The following NCOR1 variants were observed in gnomAD, a reference collection of about 807,000 sequenced individuals.
NCOR1 encodes the protein nuclear receptor corepressor 1, also known as protein phosphatase 1, regulatory subunit 109.
In NCOR1, 63 loss-of-function variants were observed where a neutral mutation model predicts 288.1. The ratio of observed to expected loss-of-function variants is 0.22; its 90% CI spans 0.18 to 0.27. The LOEUF is 0.27. NCOR1 is among the 10% of genes least tolerant of loss of function. NCOR1 has a pLI of 1.00. For missense variants in NCOR1, 2,397 were observed against 3,019.2 expected, an observed-to-expected ratio of 0.79 and a Z score of 4.83; for synonymous variants, 1,007 against 1,065.9, an observed-to-expected ratio of 0.94 and a Z score of 1.08.
intron 3 of NCOR1, among the ~76,000 whole-genome samples, chr17:16,172,514 A>ACCAGAAGAG: frequency 6.6e-6 from 1 of 152,328 alleles, no homozygotes; most frequent in Non-Finnish European, 1.5e-5. Flanking sequence ...GATAATATAA[A>ACCAGAAGAG]CCAGAAGAGC....
At chr17:16,155,320 C>T (rs2079551304) in intron 6 of NCOR1, among the ~76,000 whole-genome samples, 1 of 146,682 alleles carries the variant, frequency 6.8e-6, no homozygotes, top group African/African-American at 2.5e-5. Context: ...CACTGCACTC[C>T]AGCCTGGGCA....
chr17:16,032,343 G>C lies in NCOR1; in HGVS notation c.7276C>G (p.Pro2426Ala). Reference sequence around the variant, plus strand: ...GTCTCGTACTGTGCTGAGAGCAGTGGGGCAGGCTCTCGCTCCCAGATCCTG... The same window carrying C: ...GTCTCGTACTGTGCTGAGAGCAGTGCGGCAGGCTCTCGCTCCCAGATCCTG... ...QNRIWEREPA[P>A]LLSAQYETLS... Residue 2426 changes from proline (P) to alanine (A), a missense_variant, in exon 46 of 46, where the codon CCA (proline) becomes GCA (alanine). Physicochemically the swap from Pro to Ala is conservative, Grantham distance 27 (BLOSUM62 -1). Transcript: ENST00000268712. The C allele has an allele frequency of 6.2e-7, 1 of 1,614,122 alleles. No homozygotes were observed. Among genetic ancestry groups the C allele is most frequent in the Non-Finnish European group, 8.5e-7 (1 of 1,180,016 alleles).
At chr17:16,209,734 T>G (rs1396085833) in intron 1 of NCOR1, among the ~76,000 whole-genome samples, 2 of 149,900 alleles carry the variant, frequency 1.3e-5, no homozygotes, top group African/African-American at 2.5e-5. Context: ...GGCAGATCAC[T>G]TGAGGTCAGG....
intron 25 of NCOR1, 91 bp from the exon 26 acceptor site, chr17:16,080,155 T>A: frequency 9.4e-7 from 1 of 1,059,580 alleles, no homozygotes; most frequent in Non-Finnish European, 1.4e-6. Flanking sequence ...AGTACTCAAC[T>A]AAGAAGAAAA....
At chr17:16,170,828 G>A (rs1364618334) in intron 4 of NCOR1, among the ~76,000 whole-genome samples, 6 of 146,410 alleles carry the variant, frequency 4.1e-5, no homozygotes, top group Middle Eastern at 3.5e-3. Context: ...GGTACAGAGC[G>A]AGACTCCATC....
chr17:16,035,131 AATT>A (rs1973985026), intron 44 of NCOR1, among the ~76,000 whole-genome samples, 187 bp from the exon 45 acceptor site: 2 of 152,310 alleles, frequency 1.3e-5, no homozygotes, highest in South Asian at 4.1e-4. Context: ...AGTAAGTCAC[AATT>A]ATTTTGCTGG....
At chr17:16,132,917 CCTT>C (rs903038463) in intron 14 of NCOR1, among the ~76,000 whole-genome samples, 26 of 150,328 alleles carry the variant, frequency 1.7e-4, no homozygotes, top group Admixed American at 6.7e-4. Context: ...TCCCTCCCTT[CCTT>C]CTTCTTCTTC....
At chr17:16,039,898 C>T (rs2057235152) in intron 43 of NCOR1, 2 of 450,312 alleles carry the variant, frequency 4.4e-6, no homozygotes, top group Non-Finnish European at 8.2e-6. Flanking sequence ...TCAAGGGATT[C>T]TCCTACCTCA....
rs749242841 is a variant in NCOR1 at position 16,098,451 on chromosome 17, T to A, written c.2736A>T (p.Gly912=). The part of the protein sequence containing the change: ...DSKPSLLNPT[G]SILVSSPLKP... ...TTAACGGAGATGAGACGAGTATAGA[T>A]CCAGTGGGGTTTAACAGTGAAGGCT... is the stretch of plus-strand genomic sequence containing the variant. The change falls in exon 21 of 46, where the codon GGA becomes GGT. Residue 912 remains glycine (G), a synonymous_variant. Coordinates refer to ENST00000268712, the MANE Select transcript of NCOR1 (RefSeq NM_006311.4). 6.2e-7 allele frequency: 1 copy of A among 1,613,868 alleles called. No homozygotes were observed. The highest frequency in any genetic ancestry group is 1.1e-5 in the South Asian group (1 of 91,056).
At chr17:16,042,553 T>C (rs2057921032) in intron 42 of NCOR1, among the ~76,000 whole-genome samples, 1 of 152,202 alleles carries the variant, frequency 6.6e-6, no homozygotes, top group Admixed American at 6.5e-5. Flanking sequence ...GCTCCATAAT[T>C]CAACTATTTA....
At chr17:16,126,311 T>C in intron 14 of NCOR1, 105 bp from the exon 15 acceptor site, 1 of 1,155,782 alleles carries the variant, frequency 8.7e-7, no homozygotes, top group Non-Finnish European at 1.2e-6. Context: ...TGATTGTTAG[T>C]CATTTACAAT....
At chr17:16,186,331 T>C (rs1260119521) in intron 3 of NCOR1, among the ~76,000 whole-genome samples, 1 of 152,222 alleles carries the variant, frequency 6.6e-6, no homozygotes, top group East Asian at 1.9e-4. Context: ...GGTGACCAGG[T>C]GGTTTACTGC....
chr17:16,194,035 A>G (rs945906429), intron 2 of NCOR1, among the ~76,000 whole-genome samples: 10 of 152,242 alleles, frequency 6.6e-5, no homozygotes, highest in Non-Finnish European at 1.3e-4. Flanking sequence ...CCTAACTACC[A>G]TCCCTTCCTT....
intron 42 of NCOR1, chr17:16,041,082 C>G (rs2057470144): frequency 2.0e-5 from 3 of 152,680 alleles, no homozygotes; most frequent in South Asian, 4.1e-4. Flanking sequence ...AGGAAAGCCA[C>G]CACAGTGAAT....
chr17:16,059,500 G>A (rs2060316929), intron 37 of NCOR1, among the ~76,000 whole-genome samples: 1 of 152,182 alleles, frequency 6.6e-6, no homozygotes. Flanking sequence ...AACCAACTCT[G>A]GAGGATACCC....
chr17:16,105,735 A>T (rs915437883), intron 19 of NCOR1, among the ~76,000 whole-genome samples: 3 of 152,070 alleles, frequency 2.0e-5, no homozygotes, highest in African/African-American at 7.3e-5. Context: ...AAACAAACAA[A>T]CAAACAAACA....
chr17:16,106,297 A>G (rs539276129), intron 19 of NCOR1, among the ~76,000 whole-genome samples: 39 of 152,340 alleles, frequency 2.6e-4, no homozygotes, highest in Non-Finnish European at 3.7e-4. Flanking sequence ...GTTAGTGGTT[A>G]TACAGCAGAT....
At chr17:16,139,307 T>C in intron 11 of NCOR1, 121 bp from the exon 12 acceptor site, 1 of 656,018 alleles carries the variant, frequency 1.5e-6, no homozygotes, top group South Asian at 2.4e-5. Context: ...ACAATAGCAG[T>C]GTATACCACA....
At chr17:16,072,096 G>T in intron 29 of NCOR1, 49 bp downstream of exon 29, 1 of 1,366,412 alleles carries the variant, frequency 7.3e-7, no homozygotes, top group East Asian at 2.4e-5. Context: ...AAACTATTTT[G>T]CCAGGGAGGC....
Sources: gnomAD v4.1 joint callset for allele counts (sites outside exome capture counted in the v4.1 genomes callset) on GRCh38, gnomAD v4.1.1 for gene constraint, MANE v1.5 for transcripts, NCBI Gene and HGNC (gene_info 2026-07-23, HGNC 2026-07-21) for gene names.